Variants in GALNTL6 observed in about 807,000 individuals in gnomAD.
GALNTL6 encodes the protein polypeptide N-acetylgalactosaminyltransferase-like 6.
A neutral mutation model predicts 73.7 loss-of-function variants in GALNTL6; 46 were observed. The ratio of observed to expected loss-of-function variants is 0.62; its 90% CI spans 0.49 to 0.80. The LOEUF (loss-of-function observed/expected upper bound fraction) is 0.80. GALNTL6 is among the 30% of genes least tolerant of loss of function. The pLI is 0.00. For synonymous variants in GALNTL6, 259 were observed against 263.7 expected (o/e 0.98, Z 0.17); for missense variants, 604 against 755.0 (o/e 0.80, Z 2.34).
intron 5 of GALNTL6, among the ~76,000 whole-genome samples, chr4:172,732,666 T>G (rs1026970976): frequency 2.0e-5 from 3 of 152,236 alleles, no homozygotes; most frequent in African/African-American, 4.8e-5. Flanking sequence ...TGTTTTAATT[T>G]ATTGCTTTTT....
At chr4:172,387,860 G>A (rs1388465599) in intron 5 of GALNTL6, among the ~76,000 whole-genome samples, 1 of 151,836 alleles carries the variant, frequency 6.6e-6, no homozygotes, top group East Asian at 1.9e-4. Flanking sequence ...TTTTGCTCAT[G>A]CTGTATCCTC....
At chr4:172,409,178 T>A (rs973589260) in intron 5 of GALNTL6, among the ~76,000 whole-genome samples, 2 of 152,018 alleles carry the variant, frequency 1.3e-5, no homozygotes, top group African/African-American at 4.8e-5. Flanking sequence ...TCAAAACATG[T>A]ATTTCAGTTG....
intron 3 of GALNTL6, among the ~76,000 whole-genome samples, chr4:172,249,813 A>G (rs775889285): frequency 6.6e-6 from 1 of 152,234 alleles, no homozygotes; most frequent in Non-Finnish European, 1.5e-5. Context: ...CCTAGATTTC[A>G]TAGGATGTAT....
chr4:172,004,765 C>CAATAAGA (rs3081398), intron 2 of GALNTL6, among the ~76,000 whole-genome samples: 149,161 of 152,006 alleles, frequency 0.98, 73,242 homozygotes, highest in Middle Eastern at 1. Flanking sequence ...ATCAGATGCC[C>CAATAAGA]AATTACTGAA....
At chr4:171,886,897 A>G (rs894283947) in intron 2 of GALNTL6, among the ~76,000 whole-genome samples, 1 of 152,344 alleles carries the variant, frequency 6.6e-6, no homozygotes, top group Admixed American at 6.5e-5. Context: ...GGAAGGAGCT[A>G]TAAGTAGTTC....
At chr4:171,846,345 A>T (rs1735366862) in intron 2 of GALNTL6, among the ~76,000 whole-genome samples, 1 of 152,206 alleles carries the variant, frequency 6.6e-6, no homozygotes, top group Non-Finnish European at 1.5e-5. Context: ...TGTAAGGCAG[A>T]ACAAGGGAAC....
At chr4:171,894,069 T>C (rs1015295166) in intron 2 of GALNTL6, among the ~76,000 whole-genome samples, 1 of 152,046 alleles carries the variant, frequency 6.6e-6, no homozygotes, top group Non-Finnish European at 1.5e-5. Context: ...AGTTGCTTCA[T>C]GTTGATGATG....
intron 5 of GALNTL6, among the ~76,000 whole-genome samples, chr4:172,569,014 G>C (rs1447408222): frequency 6.6e-6 from 1 of 151,430 alleles, no homozygotes; most frequent in Non-Finnish European, 1.5e-5. Context: ...CCAAAAAATT[G>C]GACGCTCTTC....
intron 2 of GALNTL6, among the ~76,000 whole-genome samples, chr4:171,904,527 A>C (rs965537229): frequency 6.6e-6 from 1 of 152,168 alleles, no homozygotes; most frequent in South Asian, 2.1e-4. Flanking sequence ...ATTGGTGTAC[A>C]TGAAAGTGAC....
intron 10 of GALNTL6, among the ~76,000 whole-genome samples, chr4:172,999,783 A>G (rs1202357727): frequency 2.0e-5 from 3 of 151,338 alleles, no homozygotes; most frequent in South Asian, 2.1e-4. Flanking sequence ...ATATATATAT[A>G]TAATTTGGAT....
rs1176354511 is a variant in GALNTL6 at position 172,809,044 on chromosome 4, C to T, written c.554-317C>T. Among the ~76,000 whole-genome samples, 1 of 152,170 alleles carries T rather than the reference C, an allele frequency of 6.6e-6. No homozygotes were observed. Among genetic ancestry groups the T allele is most frequent in the Non-Finnish European group, 1.5e-5 (1 of 68,032 alleles). On this transcript the variant is annotated intron_variant, in intron 5 of 12. Coordinates refer to ENST00000506823, the MANE Select transcript of GALNTL6 (RefSeq NM_001034845.3). The surrounding 1 kb of genome is among the most constrained non-coding windows in gnomAD (Gnocchi z 4.4). Reference sequence around the variant, plus strand: ...TTTCATCTGACTTTACCCAGCAGGACCAGAGGGCAGAAGCCCATCTTTGGA... The same window carrying T: ...TTTCATCTGACTTTACCCAGCAGGATCAGAGGGCAGAAGCCCATCTTTGGA...
chr4:172,305,552 T>A (rs2654772), intron 3 of GALNTL6, among the ~76,000 whole-genome samples: 122,335 of 151,848 alleles, frequency 0.81, 49,868 homozygotes, highest in Non-Finnish European at 0.87. Flanking sequence ...CACTGTTAAA[T>A]CCTCTGAGTA....
intron 2 of GALNTL6, among the ~76,000 whole-genome samples, chr4:172,169,054 T>A (rs1278909888): frequency 6.6e-6 from 1 of 152,226 alleles, no homozygotes; most frequent in Non-Finnish European, 1.5e-5. Flanking sequence ...GGGAATTGCA[T>A]CAGTGTTTTC....
intron 7 of GALNTL6, among the ~76,000 whole-genome samples, chr4:172,831,141 G>C (rs1742607562): frequency 8.9e-6 from 1 of 111,756 alleles, no homozygotes; most frequent in Non-Finnish European, 1.7e-5. Context: ...CTGGGTGACA[G>C]AATGAGACTC....
intron 5 of GALNTL6, among the ~76,000 whole-genome samples, chr4:172,428,363 G>T (rs185480990): frequency 6.6e-6 from 1 of 152,042 alleles, no homozygotes; most frequent in East Asian, 1.9e-4. Context: ...GTAAAATGGC[G>T]TTAGGAAACT....
intron 5 of GALNTL6, among the ~76,000 whole-genome samples, chr4:172,449,588 T>C (rs1732140396): frequency 6.6e-6 from 1 of 152,210 alleles, no homozygotes; most frequent in African/African-American, 2.4e-5. Context: ...CTTCTCCAGG[T>C]TCCATAAAAA....
chr4:172,807,499 A>G (rs1228774008), intron 5 of GALNTL6, among the ~76,000 whole-genome samples: 2 of 152,212 alleles, frequency 1.3e-5, no homozygotes, highest in Non-Finnish European at 2.9e-5. Context: ...AGTTTGTTGA[A>G]TGAACACTGA....
At chr4:172,685,760 G>A (rs191184355) in intron 5 of GALNTL6, among the ~76,000 whole-genome samples, 14 of 151,964 alleles carry the variant, frequency 9.2e-5, no homozygotes, top group Admixed American at 5.9e-4. Context: ...TCAGCCAGGC[G>A]ACTTTAGAAA....
At chr4:172,577,437 G>A (rs1458209590) in intron 5 of GALNTL6, among the ~76,000 whole-genome samples, 5 of 152,056 alleles carry the variant, frequency 3.3e-5, no homozygotes, top group Non-Finnish European at 7.4e-5. Flanking sequence ...CAGAAAATTG[G>A]TCGACATAAC....
Sources: gnomAD v4.1 joint callset for allele counts (sites outside exome capture counted in the v4.1 genomes callset) on GRCh38, gnomAD v4.1.1 for gene constraint, Gnocchi (gnomAD v3.1) non-coding constraint, MANE v1.5 for transcripts, NCBI Gene and HGNC (gene_info 2026-07-23, HGNC 2026-07-21) for gene names.